The following CPXM2 variants were observed in gnomAD, a reference collection of about 807,000 sequenced individuals.
The protein encoded by CPXM2 is carboxypeptidase X, M14 family member 2.
In CPXM2, 66 loss-of-function variants were observed where a neutral mutation model predicts 86.1. The ratio of observed to expected loss-of-function variants is 0.77; its 90% CI spans 0.63 to 0.94. The LOEUF is 0.94. Among genes scored for constraint, CPXM2 ranks in the 40% least tolerant of loss-of-function variants. The pLI is 0.00. For synonymous variants in CPXM2, 388 were observed against 400.2 expected (o/e 0.97, Z 0.36); for missense variants, 948 against 1,026.3 (o/e 0.92, Z 1.04).
Position 123,842,412 on chromosome 10 carries a change from A to T in CPXM2, c.590T>A (p.Val197Glu). 1 of 1,614,186 alleles carries T rather than the reference A, an allele frequency of 6.2e-7. No individual in the cohort carries two copies. The highest frequency in any genetic ancestry group is 8.5e-7 in the Non-Finnish European group (1 of 1,180,030). Residue 197 changes from valine (V) to glutamate (E), a missense_variant, in exon 4 of 14, where the codon GTG (valine) becomes GAG (glutamate). Val to Glu is a moderately radical substitution (Grantham distance 121). Transcript: ENST00000241305. The stretch of plus-strand genomic sequence containing the variant: ...GAATCTGGTCAGGCGCCGAGCATCC[A>T]CTTCAATCCACTGCTGGAGGTCATT... Reference protein sequence around the residue: ...GRNDLQQWIEVDARRLTRFTG... With the variant: ...GRNDLQQWIEEDARRLTRFTG...
At chr10:123,779,897 C>T (rs1471896535) in intron 7 of CPXM2, among the ~76,000 whole-genome samples, 5 of 152,058 alleles carry the variant, frequency 3.3e-5, no homozygotes, top group Non-Finnish European at 1.5e-5. Context: ...CACTCAAAAA[C>T]ACAATAATTC....
rs186683318 is a variant in CPXM2 at position 123,861,854 on chromosome 10, G to A, written c.513+760C>T. ...GAATACATTTGTGGGAAGAGGCTAC[G>A]TTTGTCACAGCAGCAATAGGAAACT... On this transcript the variant is annotated intron_variant, in intron 3 of 13. Transcript: ENST00000241305. 1.2e-4 allele frequency among the ~76,000 whole-genome samples: 18 copies of A among 152,346 alleles called. No homozygotes were observed. The East Asian group carries it at 2.5e-3, about 21-fold the overall frequency.
At chr10:123,927,171 G>A (rs1193429236) in intron 2 of CPXM2, among the ~76,000 whole-genome samples, 5 of 152,096 alleles carry the variant, frequency 3.3e-5, no homozygotes, top group Non-Finnish European at 7.4e-5. Context: ...GCTCACCACT[G>A]GGCCTTTTCA....
intron 1 of CPXM2, among the ~76,000 whole-genome samples, chr10:123,887,666 G>A (rs1224960436): frequency 1.3e-5 from 2 of 151,926 alleles, no homozygotes; most frequent in African/African-American, 4.8e-5. Flanking sequence ...CAATACACAG[G>A]AAGGCAACCC....
intron 2 of CPXM2, among the ~76,000 whole-genome samples, chr10:123,928,996 G>T (rs1945645207): frequency 1.3e-5 from 2 of 152,214 alleles, no homozygotes; most frequent in South Asian, 4.1e-4. Flanking sequence ...GAGTGGAGCA[G>T]GGGGGCACTC....
chr10:123,786,435 C>T (rs192009203), intron 6 of CPXM2, among the ~76,000 whole-genome samples: 1 of 152,326 alleles, frequency 6.6e-6, no homozygotes, highest in African/African-American at 2.4e-5. Flanking sequence ...GAGGCCTAAG[C>T]TCTGTGGCAT....
upstream of CPXM2, among the ~76,000 whole-genome samples, chr10:123,942,091 C>T (rs1331481035): frequency 1.3e-5 from 2 of 152,192 alleles, no homozygotes; most frequent in Non-Finnish European, 2.9e-5. Context: ...TTGCAGAAAA[C>T]TTAGAGTAAT....
chr10:123,777,001 C>T (rs1846807609), intron 7 of CPXM2: 1 of 152,214 alleles, frequency 6.6e-6, no homozygotes, highest in South Asian at 2.1e-4. Context: ...ACAGGCACCG[C>T]ACCTGGCCCA....
At chr10:123,828,081 A>C (rs1233142289) in intron 4 of CPXM2, among the ~76,000 whole-genome samples, 1 of 152,100 alleles carries the variant, frequency 6.6e-6, no homozygotes, top group Non-Finnish European at 1.5e-5. Context: ...TGAGTCAGGA[A>C]GATTGCTTCA....
intron 2 of CPXM2, among the ~76,000 whole-genome samples, chr10:123,910,071 T>C (rs1453799978): frequency 6.6e-6 from 1 of 151,854 alleles, no homozygotes; most frequent in African/African-American, 2.4e-5. Flanking sequence ...GCAGCCACCA[T>C]AGACAGGTGG....
upstream of CPXM2, chr10:123,891,819 G>T: frequency 3.7e-6 from 1 of 269,132 alleles, no homozygotes; most frequent in South Asian, 1.4e-4. This position sits in a 1 kb window ranked among gnomAD's most constrained non-coding sequence, Gnocchi z 5.6. Context: ...ACCGGCCCGC[G>T]GGGCTGGGCT....
intron 11 of CPXM2, among the ~76,000 whole-genome samples, chr10:123,761,318 A>G (rs927262319): frequency 3.9e-5 from 6 of 152,216 alleles, no homozygotes; most frequent in Non-Finnish European, 7.3e-5. Context: ...CCACAGGTTC[A>G]GTCTGCAGCT....
intron 4 of CPXM2, among the ~76,000 whole-genome samples, chr10:123,802,676 T>C (rs896557738): frequency 6.6e-6 from 1 of 152,188 alleles, no homozygotes. Flanking sequence ...AGGAGTGGAA[T>C]TGCTAGGTCA....
chr10:123,798,062 GC>G lies in CPXM2; in HGVS notation c.802del (p.Ala268ProfsTer6), dbSNP rs772028279. 2.9e-5 allele frequency: 47 copies of G among 1,611,792 alleles called. No individual in the cohort carries two copies. Among genetic ancestry groups the G allele is most frequent in the Non-Finnish European group, 3.8e-5 (45 of 1,178,976 alleles). On this transcript the variant is annotated frameshift_variant, in exon 6 of 14. Coordinates refer to ENST00000241305, the MANE Select transcript of CPXM2 (RefSeq NM_198148.3). LOFTEE classifies it high-confidence loss of function. Reference protein sequence around the residue: ...VLNELPVPMVARYIRINPQSW... With the variant: ...VLNELPVPMVXRYIRINPQSW... The stretch of plus-strand genomic sequence containing the variant: ...CTGAGGGTTTATGCGGATGTAGCGG[GC>G]CACCATGGGGACGGGTAGCTCATTG...
intron 4 of CPXM2, among the ~76,000 whole-genome samples, chr10:123,823,619 T>A (rs1435245818): frequency 6.6e-6 from 1 of 152,034 alleles, no homozygotes; most frequent in Non-Finnish European, 1.5e-5. Context: ...TATAACTGTT[T>A]TGGAAGGATA....
At chr10:123,771,722 T>C (rs112769193) in intron 7 of CPXM2, among the ~76,000 whole-genome samples, 10 of 152,330 alleles carry the variant, frequency 6.6e-5, no homozygotes, top group African/African-American at 2.4e-4. Context: ...AATCCCCACA[T>C]GTCATGAAAG....
intron 6 of CPXM2, among the ~76,000 whole-genome samples, chr10:123,792,557 C>T (rs1410521204): frequency 3.9e-5 from 6 of 152,016 alleles, no homozygotes; most frequent in Non-Finnish European, 8.8e-5. Context: ...AGACAGAGAC[C>T]GGAAATGAGA....
intron 2 of CPXM2, among the ~76,000 whole-genome samples, chr10:123,912,187 C>A (rs1945494348): frequency 6.6e-6 from 1 of 151,936 alleles, no homozygotes; most frequent in Non-Finnish European, 1.5e-5. Flanking sequence ...GCCTGCCTTT[C>A]CCTGGCAGCG....
intron 2 of CPXM2, among the ~76,000 whole-genome samples, chr10:123,874,575 C>T (rs994165186): frequency 4.6e-5 from 7 of 152,166 alleles, no homozygotes; most frequent in Non-Finnish European, 8.8e-5. Flanking sequence ...GTTTAAGTGC[C>T]AATTTTTTTT....
Sources: allele counts gnomAD v4.1 joint callset (sites outside exome capture counted in the v4.1 genomes callset), GRCh38; gene constraint gnomAD v4.1.1; non-coding constraint Gnocchi (gnomAD v3.1); transcripts MANE v1.5; gene names NCBI Gene and HGNC (gene_info 2026-07-23, HGNC 2026-07-21).